The following PTGR3 variants were observed in gnomAD, a reference collection of about 807,000 sequenced individuals.
The protein encoded by PTGR3 is prostaglandin reductase 3, also known as zinc binding alcohol dehydrogenase domain containing 2.
the PTGR3 span, chr18:75,208,373 G>A: frequency 1.0e-6 from 1 of 987,636 alleles, no homozygotes; most frequent in Non-Finnish European, 1.2e-6. Context: ...GGAGGGAACA[G>A]GGAAAGCCAG....
At chr18:75,209,029 C>A in the PTGR3 span, 1 of 1,570,712 alleles carries the variant, frequency 6.4e-7, no homozygotes, top group Non-Finnish European at 8.6e-7. This position sits in a 1 kb window ranked among gnomAD's most constrained non-coding sequence, Gnocchi z 4.7. Flanking sequence ...CCACGATGGC[C>A]CGGGCCCCGG....
the PTGR3 span, among the ~76,000 whole-genome samples, chr18:75,202,630 C>T: frequency 6.7e-6 from 1 of 148,358 alleles, no homozygotes; most frequent in Non-Finnish European, 1.5e-5. Flanking sequence ...TTTTCACATG[C>T]CATTTATTTG....
the PTGR3 span, chr18:75,201,495 G>GTC: frequency 6.2e-7 from 1 of 1,614,142 alleles, no homozygotes; most frequent in South Asian, 1.1e-5. Context: ...ATAATTGACA[G>GTC]CACGGAATAT....
At chr18:75,206,443 T>C in the PTGR3 span, among the ~76,000 whole-genome samples, 1 of 152,210 alleles carries the variant, frequency 6.6e-6, no homozygotes, top group Non-Finnish European at 1.5e-5. Context: ...TGAGAGGCAC[T>C]TGCATAAAAT....
the PTGR3 span, chr18:75,201,999 C>A: frequency 6.2e-7 from 1 of 1,614,194 alleles, no homozygotes; most frequent in Non-Finnish European, 8.5e-7. Context: ...CTGGCCCGTT[C>A]CCCCAGCTGC....
At chr18:75,208,077 G>A in the PTGR3 span, among the ~76,000 whole-genome samples, 1 of 152,240 alleles carries the variant, frequency 6.6e-6, no homozygotes, top group Admixed American at 6.5e-5. Flanking sequence ...TACTAAAGAT[G>A]AGTGAGGCGG....
chr18:75,204,862 G>C, the PTGR3 span, among the ~76,000 whole-genome samples: 13 of 152,270 alleles, frequency 8.5e-5, no homozygotes, highest in East Asian at 2.5e-3. Flanking sequence ...CGAGTCCCGT[G>C]CACTCGGCGC....
At chr18:75,204,767 G>C in the PTGR3 span, among the ~76,000 whole-genome samples, 1 of 152,112 alleles carries the variant, frequency 6.6e-6, no homozygotes, top group Non-Finnish European at 1.5e-5. Flanking sequence ...TCCGGGTCGG[G>C]CGGGGGCCCC....
the PTGR3 span, chr18:75,196,080 T>A: frequency 6.6e-6 from 1 of 152,116 alleles, no homozygotes; most frequent in Non-Finnish European, 1.5e-5. Flanking sequence ...TTTCAACATC[T>A]CCCACCAACC....
At chr18:75,201,433 C>G in the PTGR3 span, 2 of 1,609,890 alleles carry the variant, frequency 1.2e-6, no homozygotes, top group Non-Finnish European at 1.7e-6. Context: ...TTACTGTTGA[C>G]AGAGTGAGGT....
the PTGR3 span, among the ~76,000 whole-genome samples, chr18:75,206,949 T>C: frequency 6.6e-6 from 1 of 152,168 alleles, no homozygotes; most frequent in Non-Finnish European, 1.5e-5. Flanking sequence ...GCACCCTGGC[T>C]GTGCCTCTCT....
the PTGR3 span, among the ~76,000 whole-genome samples, chr18:75,202,855 A>G: frequency 2.0e-5 from 3 of 152,332 alleles, no homozygotes; most frequent in African/African-American, 7.2e-5. Flanking sequence ...AACACTTAAG[A>G]TAATAAGAGT....
At chr18:75,203,010 A>G in the PTGR3 span, among the ~76,000 whole-genome samples, 275 of 152,348 alleles carry the variant, frequency 1.8e-3, no homozygotes, top group African/African-American at 6.2e-3. Flanking sequence ...GAAAATACGC[A>G]TTTTGATTAA....
the PTGR3 span, among the ~76,000 whole-genome samples, chr18:75,203,118 T>C: frequency 1.3e-5 from 2 of 152,238 alleles, no homozygotes; most frequent in Non-Finnish European, 2.9e-5. Context: ...ATATTTTTCC[T>C]CAACAAGAAG....
chr18:75,201,799 CT>C, the PTGR3 span: 2 of 1,614,204 alleles, frequency 1.2e-6, no homozygotes, highest in Admixed American at 3.3e-5. Flanking sequence ...TCAAACATGG[CT>C]CCCCCAACAG....
chr18:75,203,008 G>A, the PTGR3 span, among the ~76,000 whole-genome samples: 6 of 152,174 alleles, frequency 3.9e-5, no homozygotes, highest in African/African-American at 1.4e-4. Context: ...GTGAAAATAC[G>A]CATTTTGATT....
the PTGR3 span, among the ~76,000 whole-genome samples, chr18:75,206,947 G>A: frequency 3.9e-5 from 6 of 152,306 alleles, no homozygotes; most frequent in African/African-American, 1.4e-4. Flanking sequence ...AGGCACCCTG[G>A]CTGTGCCTCT....
At chr18:75,201,454 C>T in the PTGR3 span, 14 of 1,613,118 alleles carry the variant, frequency 8.7e-6, no homozygotes, top group Non-Finnish European at 1.2e-5. Flanking sequence ...AATTCAACTA[C>T]AATTTTTCCA....
chr18:75,205,912 T>A, the PTGR3 span, among the ~76,000 whole-genome samples: 21 of 152,000 alleles, frequency 1.4e-4, no homozygotes, highest in Admixed American at 1.3e-4. Flanking sequence ...TCCCCCACCG[T>A]CCCTTAGCCA....
Sources: allele counts gnomAD v4.1 joint callset (sites outside exome capture counted in the v4.1 genomes callset), GRCh38; gene constraint gnomAD v4.1.1; non-coding constraint Gnocchi (gnomAD v3.1); transcripts MANE v1.5; gene names NCBI Gene and HGNC (gene_info 2026-07-23, HGNC 2026-07-21).